Variants in TRPC6 observed in about 807,000 individuals in gnomAD.
TRPC6 encodes short transient receptor potential channel 6.
In TRPC6, 55 loss-of-function variants were observed where a neutral mutation model predicts 90.7. The ratio of observed to expected loss-of-function variants is 0.61; its 90% CI spans 0.49 to 0.76. The LOEUF is 0.76. Among genes scored for constraint, TRPC6 ranks in the 30% least tolerant of loss-of-function variants. The probability of loss-of-function intolerance (pLI) is 0.00; values close to 1 mark genes in which losing one functional copy is unlikely to be tolerated. For synonymous variants in TRPC6, 393 were observed against 393.0 expected, an observed-to-expected ratio of 1.00 and a Z score of 0.00; for missense variants, 989 against 1,122.7, an observed-to-expected ratio of 0.88 and a Z score of 1.70.
At chr11:101,514,027 T>C (rs1390613279) in intron 1 of TRPC6, among the ~76,000 whole-genome samples, 1 of 152,170 alleles carries the variant, frequency 6.6e-6, no homozygotes, top group East Asian at 1.9e-4. Flanking sequence ...GATAGGGAAA[T>C]TGGCAGGACC....
chr11:101,560,410 T>C (rs1861688053), intron 1 of TRPC6, among the ~76,000 whole-genome samples: 2 of 152,198 alleles, frequency 1.3e-5, no homozygotes, highest in Non-Finnish European at 2.9e-5. Context: ...TCAAGGTCAC[T>C]ATGTCCCCAA....
chr11:101,576,068 T>A (rs1275398810), intron 1 of TRPC6, among the ~76,000 whole-genome samples: 1 of 152,174 alleles, frequency 6.6e-6, no homozygotes, highest in African/African-American at 2.4e-5. Flanking sequence ...CCCAAATATA[T>A]TGGGTTTTGC....
chr11:101,576,309 C>T (rs2136897508), intron 1 of TRPC6, among the ~76,000 whole-genome samples: 1 of 152,288 alleles, frequency 6.6e-6, no homozygotes, highest in Middle Eastern at 3.4e-3. Flanking sequence ...TCCACAGAAA[C>T]AGCAACTTAC....
Position 101,527,415 on chromosome 11 carries a change from T to C in TRPC6, c.171-22617A>G, listed in dbSNP as rs576878228. 6.6e-5 allele frequency among the ~76,000 whole-genome samples: 10 copies of C among 152,346 alleles called. No homozygotes were observed. In the East Asian group the frequency reaches 1.4e-3, roughly 21 times the overall value. On this transcript the variant is annotated intron_variant, in intron 1 of 12. Transcript: ENST00000344327. ...TTGCTTGATCATTTTATGCCCATAATGATTTGACTGGGCTAGTAAGTGTTC... is the reference window on the plus strand; with the variant it reads ...TTGCTTGATCATTTTATGCCCATAACGATTTGACTGGGCTAGTAAGTGTTC...
chr11:101,485,267 G>T (rs1045368761), intron 4 of TRPC6, among the ~76,000 whole-genome samples: 1 of 137,630 alleles, frequency 7.3e-6, no homozygotes, highest in African/African-American at 3.0e-5. Flanking sequence ...ATTGATTCAA[G>T]GAGTATTTTT....
chr11:101,557,847 T>C (rs1186515519), intron 1 of TRPC6, among the ~76,000 whole-genome samples: 1 of 152,084 alleles, frequency 6.6e-6, no homozygotes, highest in East Asian at 1.9e-4. Flanking sequence ...CTATAAAATG[T>C]TGATAAAACA....
At chr11:101,464,783 C>CTGTT in intron 10 of TRPC6, among the ~76,000 whole-genome samples, 1 of 152,192 alleles carries the variant, frequency 6.6e-6, no homozygotes, top group East Asian at 1.9e-4. Context: ...GGCATTTAGC[C>CTGTT]TGTTTACATT....
chr11:101,476,283 A>G lies in TRPC6; in HGVS notation c.1744+18T>C. ...AAATTCTGCATTTTTATTTATATTG[A>G]CTGTACTGTAAACTCACCCAAATTG... On this transcript the variant is annotated intron_variant, in intron 6 of 12. Coordinates refer to ENST00000344327, the MANE Select transcript of TRPC6 (RefSeq NM_004621.6). 6.2e-7 allele frequency: 1 copy of G among 1,602,340 alleles called. No individual in the cohort carries two copies.
intron 3 of TRPC6, 79 bp from the exon 4 acceptor site, chr11:101,489,180 TC>T: frequency 8.0e-7 from 1 of 1,244,452 alleles, no homozygotes; most frequent in Non-Finnish European, 1.2e-6. Context: ...TTCTAATAGT[TC>T]CATGCTTTCC....
In TRPC6 at chr11:101,473,802, G is replaced by T. The variant is rs762702093; in HGVS notation, c.1745-29C>A. ...GGAAAAAGCAAAGACAAAGAGTTGT[G>T]TGAGTTTCTTCAAGTTTTTTATTTA... is the stretch of plus-strand genomic sequence containing the variant. On this transcript the variant is annotated intron_variant, in intron 6 of 12. Coordinates refer to ENST00000344327, the MANE Select transcript of TRPC6 (RefSeq NM_004621.6). 2.5e-6 allele frequency: 4 copies of T among 1,612,980 alleles called. No homozygotes were observed. The Admixed American group carries it at 6.7e-5, about 27-fold the overall frequency.
At chr11:101,575,414 T>C (rs1311517143) in intron 1 of TRPC6, among the ~76,000 whole-genome samples, 1 of 152,204 alleles carries the variant, frequency 6.6e-6, no homozygotes, top group Non-Finnish European at 1.5e-5. Context: ...CCTTTCTTTC[T>C]TCCCATTTGT....
chr11:101,504,158 T>C lies in TRPC6; in HGVS notation c.811A>G (p.Arg271Gly). The change falls in exon 2 of 13, where the codon AGA (arginine) becomes GGA (glycine). Residue 271 changes from arginine (R) to glycine (G), a missense_variant. Arg to Gly is a moderately radical substitution (Grantham distance 125). This residue lies in a region of TRPC6 where 486 missense variants were observed against 591.9 expected (regional missense o/e 0.82). Transcript: ENST00000344327. ...CCTTTATAGGCATTAATCCTAGATC[T>C]GGAGTGGCTAAACGAGTCATGCTTC... ...KQKHDSFSHS[R>G]SRINAYKGLA... The C allele has an allele frequency of 1.9e-6, 3 of 1,614,186 alleles. No individual in the cohort carries two copies. Among genetic ancestry groups the C allele is most frequent in the Non-Finnish European group, 1.7e-6 (2 of 1,179,996 alleles).
At chr11:101,474,878 A>G (rs1318339161) in intron 6 of TRPC6, among the ~76,000 whole-genome samples, 1 of 152,136 alleles carries the variant, frequency 6.6e-6, no homozygotes, top group Non-Finnish European at 1.5e-5. Flanking sequence ...CTGATTGCTA[A>G]ATTGGGATGA....
chr11:101,465,702 AG>A (rs1362902845), intron 10 of TRPC6, among the ~76,000 whole-genome samples: 1 of 151,914 alleles, frequency 6.6e-6, no homozygotes, highest in Non-Finnish European at 1.5e-5. Flanking sequence ...CCTTTTTTCA[AG>A]GTTCTTAGTT....
intron 1 of TRPC6, among the ~76,000 whole-genome samples, chr11:101,515,648 T>G: frequency 6.6e-6 from 1 of 152,300 alleles, no homozygotes; most frequent in South Asian, 2.1e-4. Context: ...CAAGAAACTT[T>G]TTAAAAATTA....
chr11:101,577,919 C>T (rs887841480), intron 1 of TRPC6, among the ~76,000 whole-genome samples: 2 of 152,180 alleles, frequency 1.3e-5, no homozygotes, highest in African/African-American at 4.8e-5. Flanking sequence ...TTGTGACAGG[C>T]AGCTGGAATA....
intron 9 of TRPC6, 131 bp from the exon 10 acceptor site, chr11:101,469,632 T>G: frequency 3.4e-6 from 2 of 591,738 alleles, no homozygotes; most frequent in South Asian, 3.9e-5. Context: ...ACGGGGTTCT[T>G]CCCTTTGCAA....
At chr11:101,558,217 A>ACATG (rs59387263) in intron 1 of TRPC6, among the ~76,000 whole-genome samples, 14 of 113,226 alleles carry the variant, frequency 1.2e-4, no homozygotes, top group African/African-American at 4.5e-4. Context: ...ATACATGTAT[A>ACATG]TATGTATACA....
At chr11:101,568,331 C>T (rs11224864) in intron 1 of TRPC6, among the ~76,000 whole-genome samples, 15,832 of 152,040 alleles carry the variant, frequency 0.1, 1,437 homozygotes, top group East Asian at 0.47. Context: ...TGAAAATAAA[C>T]GAACAAAGCC....
Sources: allele counts gnomAD v4.1 joint callset (sites outside exome capture counted in the v4.1 genomes callset), GRCh38; gene constraint gnomAD v4.1.1; regional missense constraint gnomAD v4.1.1; transcripts MANE v1.5; gene names NCBI Gene and HGNC (gene_info 2026-07-23, HGNC 2026-07-21).